The following GCN1 variants were observed in gnomAD, a reference collection of about 807,000 sequenced individuals.
GCN1 encodes stalled ribosome sensor GCN1.
A neutral mutation model predicts 288.4 loss-of-function variants in GCN1; 90 were observed. The ratio of observed to expected loss-of-function variants is 0.31; its 90% CI spans 0.26 to 0.37. The LOEUF is 0.37. Ranked by LOEUF, GCN1 falls within the 10% of genes least tolerant of loss-of-function variation. The pLI, the probability that GCN1 is intolerant of heterozygous loss-of-function variation, is 1.00. For synonymous variants in GCN1, 1,386 were observed against 1,420.2 expected, an observed-to-expected ratio of 0.98 and a Z score of 0.54; for missense variants, 2,586 against 3,419.9, an observed-to-expected ratio of 0.76 and a Z score of 6.08.
rs201660087 is a variant in GCN1, at chr12:120,149,553, G to A, written c.4546+53C>T. On this transcript the variant is annotated intron_variant, in intron 36 of 57. Coordinates refer to ENST00000300648, the MANE Select transcript of GCN1 (RefSeq NM_006836.2). Reference sequence around the variant, plus strand: ...TGTGGCTACCCAGGATCCTTGCTGAGGCTGGTTTTCATAACAGGAAGCTGG... The same window carrying A: ...TGTGGCTACCCAGGATCCTTGCTGAAGCTGGTTTTCATAACAGGAAGCTGG... 4.2e-4 allele frequency: 531 copies of A among 1,268,226 alleles called. 2 individuals carry two copies. Among genetic ancestry groups the A allele is most frequent in the South Asian group, 4.8e-4 (40 of 83,560 alleles). The allele number at this position is 1,268,226 out of a possible 1,614,324, so 78.6% of individuals were successfully genotyped here.
chr12:120,161,415 T>A, intron 22 of GCN1, 75 bp downstream of exon 22: 2 of 880,222 alleles, frequency 2.3e-6, no homozygotes, highest in South Asian at 2.8e-5. Context: ...ACAGCATATG[T>A]GCAGTGGGAA....
At position 120,177,702 on chromosome 12, in the gene GCN1, C is replaced by A. The variant is rs1566317304; in HGVS notation, c.711G>T (p.Lys237Asn). The part of the protein sequence containing the change: ...YMKNILMSKV[K>N]PPKYLLDSCA... ...CGCTCACCAACAGGTACTTCGGAGG[C>A]TTGACTTTGCTCATCAGGATGTTCT... The change falls in exon 8 of 58, where the codon AAG becomes AAT. Residue 237 changes from lysine to asparagine, a missense_variant. Physicochemically the swap from Lys to Asn is moderately conservative, Grantham distance 94. This residue lies in a region of GCN1 where 913 missense variants were observed against 1,107.0 expected (regional missense o/e 0.82). Transcript: ENST00000300648. The A allele has an allele frequency of 6.2e-7, 1 of 1,613,460 alleles. No homozygotes were observed.
intron 2 of GCN1, among the ~76,000 whole-genome samples, chr12:120,187,776 C>G (rs771903496): frequency 4.6e-5 from 7 of 151,544 alleles, no homozygotes; most frequent in Non-Finnish European, 1.0e-4. Context: ...TCCAATGGAG[C>G]TGAGAATTTT....
chr12:120,193,030 C>G (rs150762477), intron 1 of GCN1, among the ~76,000 whole-genome samples: 382 of 151,922 alleles, frequency 2.5e-3, no homozygotes, highest in African/African-American at 7.9e-3. Context: ...GAGAGAAACT[C>G]CGTCTCAAAA....
chr12:120,173,146 A>G (rs1878363703), intron 14 of GCN1, among the ~76,000 whole-genome samples: 1 of 145,990 alleles, frequency 6.8e-6, no homozygotes. Context: ...TGCAACCTCC[A>G]TCTACCGGGT....
At chr12:120,164,097 A>G (rs1878023140) in intron 18 of GCN1, among the ~76,000 whole-genome samples, 2 of 152,346 alleles carry the variant, frequency 1.3e-5, no homozygotes, top group Admixed American at 1.3e-4. Flanking sequence ...AAACAAAACA[A>G]AACAAAAACC....
chr12:120,192,442 A>G (rs1259979552), intron 1 of GCN1, among the ~76,000 whole-genome samples: 1 of 152,228 alleles, frequency 6.6e-6, no homozygotes, highest in Non-Finnish European at 1.5e-5. Flanking sequence ...AATACTGAAG[A>G]CAAGGCTGGG....
intron 7 of GCN1, 114 bp downstream of exon 7, chr12:120,178,511 A>G: frequency 9.7e-7 from 1 of 1,030,742 alleles, no homozygotes. Flanking sequence ...CAAGTTTCAG[A>G]TAAGGTCAAC....
intron 5 of GCN1, among the ~76,000 whole-genome samples, chr12:120,182,431 C>T (rs1878695243): frequency 6.6e-6 from 1 of 152,204 alleles, no homozygotes; most frequent in Non-Finnish European, 1.5e-5. Flanking sequence ...CAGGCTGCTT[C>T]ATGGAGCGGT....
intron 35 of GCN1, 84 bp from the exon 36 acceptor site, chr12:120,149,804 T>C: frequency 1.3e-6 from 2 of 1,520,328 alleles, no homozygotes; most frequent in Non-Finnish European, 1.8e-6. Context: ...GTTCCTCCTA[T>C]AACCAACGCT....
rs757281065 is a variant in GCN1 at position 120,155,692 on chromosome 12, G to A, written c.3340C>T (p.Pro1114Ser). 4.3e-5 allele frequency: 70 copies of A among 1,613,786 alleles called. No individual in the cohort carries two copies. The highest frequency in any genetic ancestry group is 5.1e-5 in the Non-Finnish European group (60 of 1,179,878). ...RGLMELHMVLPAPDTDEKNGL... is the reference protein window; with the variant it reads ...RGLMELHMVLSAPDTDEKNGL... ...TTCTTCTCATCAGTATCAGGTGCTG[G>A]CAATACCATGTGGAGTTCCATCAGC... Residue 1114 changes from proline to serine, a missense_variant, in exon 29 of 58, where the codon CCA (proline) becomes TCA (serine). By Grantham distance (74) the Pro-to-Ser change is moderately conservative (BLOSUM62 -1). Around this residue, in one of 8 missense-constraint regions of GCN1, gnomAD observed 332 missense variants for 403.0 expected, o/e 0.82. Transcript: ENST00000300648. The surrounding 1 kb of genome is among the most constrained non-coding windows in gnomAD (Gnocchi z 4.9).
Position 120,144,479 on chromosome 12 carries a change from C to A in GCN1, c.5353-31G>T. ...CACACAGAGGGTGGGTCAGCCAGAG[C>A]TGCCACCCCCAGGCCCCCAGCCCAA... On this transcript the variant is annotated intron_variant, in intron 41 of 57. Transcript: ENST00000300648. This position sits in a 1 kb window ranked among gnomAD's most constrained non-coding sequence, Gnocchi z 4.7. 6 of 1,600,480 alleles carry A rather than the reference C, an allele frequency of 3.7e-6. No homozygotes were observed. Among genetic ancestry groups the A allele is most frequent in the Non-Finnish European group, 5.1e-6 (6 of 1,171,784 alleles).
At chr12:120,194,091 A>G (rs1435060400) in intron 1 of GCN1, among the ~76,000 whole-genome samples, 1 of 152,204 alleles carries the variant, frequency 6.6e-6, no homozygotes, top group Non-Finnish European at 1.5e-5. Context: ...ACCAACATAT[A>G]TCAAGCCGTA....
Position 120,140,993 on chromosome 12 carries a change from G to A in GCN1, c.5860C>T (p.Arg1954Trp), listed in dbSNP as rs769975134. 2 of 1,613,652 alleles carry A rather than the reference G, an allele frequency of 1.2e-6. No individual in the cohort carries two copies. Among genetic ancestry groups the A allele is most frequent in the East Asian group, 2.2e-5 (1 of 44,858 alleles). Residue 1954 changes from arginine (R) to tryptophan (W), a missense_variant, in exon 45 of 58, where the codon CGG becomes TGG. Arg to Trp is a moderately radical substitution (Grantham distance 101, BLOSUM62 -3). Coordinates refer to ENST00000300648, the MANE Select transcript of GCN1 (RefSeq NM_006836.2). ...IAARTLGDLV[R>W]KLGEKILPEI... ...GGGAGGATTTTCTCCCCTAACTTCC[G>A]CACAAGATCTCCCAATGTTCTCGCT... is the stretch of plus-strand genomic sequence containing the variant.
In GCN1 at chr12:120,164,581, T is replaced by C. The variant is rs539376573; in HGVS notation, c.1688+65A>G. Reference sequence around the variant, plus strand: ...ACCCTTCCACCTGCCACACACCCTTTCTCGGGTTCCTGCCAGCCTTTGCCT... The same window carrying C: ...ACCCTTCCACCTGCCACACACCCTTCCTCGGGTTCCTGCCAGCCTTTGCCT... On this transcript the variant is annotated intron_variant, in intron 17 of 57. Transcript: ENST00000300648. The C allele has an allele frequency of 2.5e-6, 4 of 1,597,458 alleles. No homozygotes were observed. In the South Asian group the frequency reaches 4.4e-5, roughly 18 times the overall value.
At chr12:120,167,352 C>CAAAAAA (rs58505091) in intron 16 of GCN1, among the ~76,000 whole-genome samples, 11 of 73,022 alleles carry the variant, frequency 1.5e-4, no homozygotes, top group African/African-American at 1.8e-4. Flanking sequence ...AACTCCATCT[C>CAAAAAA]AAAAAAAAAA....
At chr12:120,129,727 G>C (rs1876752498) in intron 56 of GCN1, among the ~76,000 whole-genome samples, 1 of 152,064 alleles carries the variant, frequency 6.6e-6, no homozygotes, top group South Asian at 2.1e-4. Flanking sequence ...CAACATCCCA[G>C]GGCCTCGGGC....
chr12:120,143,043 A>C, intron 42 of GCN1, 102 bp from the exon 43 acceptor site: 11 of 667,404 alleles, frequency 1.6e-5, no homozygotes, highest in Non-Finnish European at 2.4e-5. Flanking sequence ...CAAAATACTC[A>C]TGACGGTCAT....
chr12:120,149,533 C>G, intron 36 of GCN1, 73 bp downstream of exon 36: 2 of 1,037,150 alleles, frequency 1.9e-6, no homozygotes, highest in Non-Finnish European at 3.0e-6. Flanking sequence ...AGAGCTGTGG[C>G]TACCCAGGAT....
Sources: allele counts gnomAD v4.1 joint callset (sites outside exome capture counted in the v4.1 genomes callset), GRCh38; gene constraint gnomAD v4.1.1; regional missense constraint gnomAD v4.1.1; non-coding constraint Gnocchi (gnomAD v3.1); transcripts MANE v1.5; gene names NCBI Gene and HGNC (gene_info 2026-07-23, HGNC 2026-07-21).